Variants in PTPRN2 observed in about 807,000 individuals in gnomAD.
The protein encoded by PTPRN2 is protein tyrosine phosphatase receptor type N2.
A neutral mutation model predicts 118.8 loss-of-function variants in PTPRN2; 74 were observed. The ratio of observed to expected loss-of-function variants is 0.62; its 90% CI spans 0.52 to 0.76. The LOEUF (loss-of-function observed/expected upper bound fraction) is 0.76, where lower values mean the gene tolerates loss of function less well. PTPRN2 is among the 30% of genes least tolerant of loss of function. PTPRN2 has a pLI of 0.00. For synonymous variants in PTPRN2, 641 were observed against 608.0 expected, an observed-to-expected ratio of 1.05 and a Z score of -0.80; for missense variants, 1,481 against 1,394.4, an observed-to-expected ratio of 1.06 and a Z score of -0.99.
intron 7 of PTPRN2, among the ~76,000 whole-genome samples, chr7:158,137,504 C>T (rs960678934): frequency 6.6e-6 from 1 of 152,146 alleles, no homozygotes; most frequent in Non-Finnish European, 1.5e-5. Context: ...TGAACAGTGC[C>T]CCTGGAGACA....
chr7:158,387,463 C>T (rs567403720), intron 2 of PTPRN2, among the ~76,000 whole-genome samples: 5 of 722 alleles, frequency 6.9e-3, no homozygotes, highest in South Asian at 0.067. Context: ...TTTTGTAAGA[C>T]GGTAGCCAAG....
At chr7:158,098,637 G>A (rs1422257205) in intron 10 of PTPRN2, among the ~76,000 whole-genome samples, 1 of 152,186 alleles carries the variant, frequency 6.6e-6, no homozygotes, top group African/African-American at 2.4e-5. Context: ...GCCCGCCCCG[G>A]CCTGGCATCT....
chr7:158,429,012 C>T (rs961432964), intron 2 of PTPRN2, among the ~76,000 whole-genome samples: 5 of 152,176 alleles, frequency 3.3e-5, no homozygotes, highest in African/African-American at 9.7e-5. Flanking sequence ...GGGCACGTGG[C>T]GGGTTGGTGG....
At chr7:157,851,468 C>T (rs1439081698) in intron 12 of PTPRN2, among the ~76,000 whole-genome samples, 1 of 152,174 alleles carries the variant, frequency 6.6e-6, no homozygotes, top group East Asian at 1.9e-4. Context: ...CATGGAACAG[C>T]GACTTTGCCA....
At chr7:157,802,041 C>A (rs1004355179) in intron 12 of PTPRN2, among the ~76,000 whole-genome samples, 1 of 152,216 alleles carries the variant, frequency 6.6e-6, no homozygotes, top group Non-Finnish European at 1.5e-5. Context: ...GAAACCCGCC[C>A]CGGCGTCCCT....
chr7:157,628,849 G>T (rs1187166784), intron 14 of PTPRN2, among the ~76,000 whole-genome samples: 1 of 152,126 alleles, frequency 6.6e-6, no homozygotes, highest in Non-Finnish European at 1.5e-5. Flanking sequence ...TTATCCTCTT[G>T]TTTAAGGAAA....
rs1810909047 is a variant in PTPRN2 at position 157,869,243 on chromosome 7, G to A, written c.1788+29430C>T. The A allele has an allele frequency of 6.6e-6, 1 of 152,142 alleles. No homozygotes were observed. The highest frequency in any genetic ancestry group is 1.5e-5 in the Non-Finnish European group (1 of 68,018). 9.4% of individuals were successfully genotyped at this position (152,142 alleles called of 1,614,324 possible). A position where few individuals can be genotyped will look rare whatever the true frequency, so the allele number is the denominator to read the frequency against. Reference sequence around the variant, plus strand: ...CCTCCCAGCATGGGAGGTCTGGGTAGGGCCTTGGAGGCCTGCTGGGAGGTC... The same window carrying A: ...CCTCCCAGCATGGGAGGTCTGGGTAAGGCCTTGGAGGCCTGCTGGGAGGTC... On this transcript the variant is annotated intron_variant, in intron 12 of 22. Coordinates refer to ENST00000389418, the MANE Select transcript of PTPRN2 (RefSeq NM_002847.5). The surrounding 1 kb of genome is among the most constrained non-coding windows in gnomAD (Gnocchi z 4.2).
intron 5 of PTPRN2, among the ~76,000 whole-genome samples, chr7:158,190,090 A>G (rs1825643284): frequency 6.6e-6 from 1 of 152,210 alleles, no homozygotes; most frequent in South Asian, 2.1e-4. Flanking sequence ...CATTTTTTAA[A>G]GATTATTTTA....
chr7:157,822,923 C>T (rs1806941345), intron 12 of PTPRN2, among the ~76,000 whole-genome samples: 1 of 152,140 alleles, frequency 6.6e-6, no homozygotes, highest in African/African-American at 2.4e-5. Context: ...ACTCATCCAT[C>T]CATTTATCTA....
chr7:158,337,646 C>T (rs1805934789), intron 2 of PTPRN2, among the ~76,000 whole-genome samples: 4 of 150,058 alleles, frequency 2.7e-5, no homozygotes, highest in Non-Finnish European at 4.4e-5. Flanking sequence ...CATTCACACC[C>T]ACACTCTCAC....
At chr7:158,023,891 C>T (rs533643235) in intron 11 of PTPRN2, among the ~76,000 whole-genome samples, 102 of 151,612 alleles carry the variant, frequency 6.7e-4, no homozygotes, top group Non-Finnish European at 1.0e-3. Context: ...GGCACACACA[C>T]GCAGGTAAAC....
intron 12 of PTPRN2, among the ~76,000 whole-genome samples, chr7:157,775,317 A>C (rs1803134214): frequency 6.6e-6 from 1 of 152,176 alleles, no homozygotes; most frequent in Non-Finnish European, 1.5e-5. Flanking sequence ...ACCCAAATTC[A>C]TGAGCCGCAG....
At chr7:157,860,795 C>G (rs1488037617) in intron 12 of PTPRN2, among the ~76,000 whole-genome samples, 1 of 152,248 alleles carries the variant, frequency 6.6e-6, no homozygotes, top group African/African-American at 2.4e-5. Context: ...GAACTGGCAG[C>G]ATTCACGGTC....
chr7:158,159,246 G>A (rs537391914), intron 6 of PTPRN2, among the ~76,000 whole-genome samples: 9 of 152,368 alleles, frequency 5.9e-5, no homozygotes, highest in Non-Finnish European at 1.2e-4. Flanking sequence ...CACGCGAAGC[G>A]TTGCATGGCT....
chr7:158,044,029 T>C (rs1808664643), intron 11 of PTPRN2, among the ~76,000 whole-genome samples: 2 of 152,230 alleles, frequency 1.3e-5, no homozygotes. Flanking sequence ...AGTGAGGATA[T>C]GTAAATCTTA....
intron 13 of PTPRN2, among the ~76,000 whole-genome samples, chr7:157,680,223 A>G (rs1225028539): frequency 6.6e-6 from 1 of 152,138 alleles, no homozygotes; most frequent in Non-Finnish European, 1.5e-5. Flanking sequence ...AAATTGTTCC[A>G]TTTTCCTTGT....
rs139930074 is a variant in PTPRN2 at position 158,308,065 on chromosome 7, A to T, written c.277+8754T>A. On this transcript the variant is annotated intron_variant, in intron 3 of 22. Transcript: ENST00000389418. ...CAGCCCAGATACCTGTAATAAATAA[A>T]TTCCTTTTCTTTATAAATTACCCAG... Among the ~76,000 whole-genome samples the T allele has an allele frequency of 7.7e-3, 1,170 of 152,326 alleles. 21 individuals are homozygous for T. The highest frequency in any genetic ancestry group is 0.026 in the African/African-American group (1,085 of 41,570).
intron 12 of PTPRN2, among the ~76,000 whole-genome samples, chr7:157,821,256 A>G (rs565802052): frequency 5.9e-5 from 9 of 152,360 alleles, no homozygotes; most frequent in African/African-American, 2.2e-4. Flanking sequence ...CAACAACAAG[A>G]ATTCAGTTTT....
chr7:157,936,118 C>T (rs1033928833), intron 11 of PTPRN2, among the ~76,000 whole-genome samples: 3 of 152,216 alleles, frequency 2.0e-5, no homozygotes, highest in Admixed American at 6.5e-5. Context: ...AGGTGTATGA[C>T]TACAGCAAAT....
Sources: gnomAD v4.1 joint callset for allele counts (sites outside exome capture counted in the v4.1 genomes callset) on GRCh38, gnomAD v4.1.1 for gene constraint, Gnocchi (gnomAD v3.1) non-coding constraint, MANE v1.5 for transcripts, NCBI Gene and HGNC (gene_info 2026-07-23, HGNC 2026-07-21) for gene names.